The following SPTAN1 variants were observed in gnomAD, a reference collection of about 807,000 sequenced individuals.
The protein encoded by SPTAN1 is spectrin alpha, non-erythrocytic 1.
SPTAN1 carries 61 observed loss-of-function variants against 331.3 expected under a neutral mutation model. That is an observed-to-expected ratio of 0.18 (90% confidence interval 0.15 to 0.23). The LOEUF (loss-of-function observed/expected upper bound fraction) is 0.23. Among genes scored for constraint, SPTAN1 ranks in the 10% least tolerant of loss-of-function variants. SPTAN1 has a pLI of 1.00. For synonymous variants in SPTAN1, 1,153 were observed against 1,173.9 expected (o/e 0.98, Z 0.36); for missense variants, 2,043 against 3,147.9 (o/e 0.65, Z 8.40).
At position 128,608,008 on chromosome 9, in the gene SPTAN1, G is replaced by A. The variant is rs761046056; in HGVS notation, c.4303G>A (p.Val1435Ile). The A allele has an allele frequency of 6.2e-7, 1 of 1,614,168 alleles. No homozygotes were observed. The highest frequency in any genetic ancestry group is 2.2e-5 in the East Asian group (1 of 44,888). ...GCGTGCAGACCTGGAGAAGGCCTGG[G>A]TTCAGCGCAGGATGATGCTGGATCA... ...QERADLEKAW[V>I]QRRMMLDQCL... Residue 1435 changes from valine to isoleucine, a missense_variant, in exon 33 of 57, where the codon GTT (valine) becomes ATT (isoleucine). Transcript: ENST00000372739.
chr9:128,591,343 G>A, intron 21 of SPTAN1, 134 bp from the exon 22 acceptor site: 1 of 1,099,142 alleles, frequency 9.1e-7, no homozygotes, highest in Non-Finnish European at 1.4e-6. Context: ...TGGGATTATA[G>A]GTGTGAGCCA....
intron 48 of SPTAN1, 66 bp from the exon 49 acceptor site, chr9:128,626,325 C>T: frequency 1.9e-6 from 3 of 1,590,498 alleles, no homozygotes; most frequent in Admixed American, 3.3e-5. Context: ...CCGCACCCCA[C>T]CTCCTGCACT....
chr9:128,608,465 G>GA (rs955144305), intron 34 of SPTAN1, among the ~76,000 whole-genome samples, 189 bp downstream of exon 34: 29 of 150,950 alleles, frequency 1.9e-4, no homozygotes, highest in Non-Finnish European at 3.4e-4. Flanking sequence ...GGTGCCACAG[G>GA]AAAAAAAAAT....
intron 3 of SPTAN1, among the ~76,000 whole-genome samples, chr9:128,570,670 T>G (rs1294044064): frequency 2.0e-5 from 3 of 150,836 alleles, no homozygotes. Flanking sequence ...ATTTATTTAT[T>G]TTTGAGATGG....
chr9:128,562,888 C>G (rs1345124306), intron 1 of SPTAN1, among the ~76,000 whole-genome samples: 1 of 150,020 alleles, frequency 6.7e-6, no homozygotes, highest in African/African-American at 2.5e-5. Flanking sequence ...TGGCGTGAAC[C>G]CAGGAGGTGG....
chr9:128,567,013 A>G, intron 2 of SPTAN1, 36 bp downstream of exon 2: 1 of 1,612,986 alleles, frequency 6.2e-7, no homozygotes, highest in Non-Finnish European at 8.5e-7. Context: ...GCCAAAATTC[A>G]AGAGCCCAAA....
At chr9:128,603,446 G>C in intron 27 of SPTAN1, 97 bp from the exon 28 acceptor site, 3 of 1,301,958 alleles carry the variant, frequency 2.3e-6, no homozygotes, top group Admixed American at 1.7e-5. Context: ...AGGTAATTTG[G>C]GTTAATCACA....
intron 3 of SPTAN1, among the ~76,000 whole-genome samples, chr9:128,572,183 G>T (rs1589167320): frequency 6.6e-6 from 1 of 152,118 alleles, no homozygotes; most frequent in African/African-American, 2.4e-5. Flanking sequence ...TTTCCAACCT[G>T]TACTTCATTC....
intron 52 of SPTAN1, 77 bp downstream of exon 52, chr9:128,630,452 C>A: frequency 6.7e-7 from 1 of 1,489,146 alleles, no homozygotes. Flanking sequence ...CCCTTCCTGG[C>A]TTAAAGTCAG....
At chr9:128,632,030 AG>A in intron 52 of SPTAN1, 96 bp from the exon 53 acceptor site, 1 of 1,328,638 alleles carries the variant, frequency 7.5e-7, no homozygotes, top group South Asian at 1.3e-5. Flanking sequence ...GTCTCAGGCC[AG>A]GCCTGGAGCA....
At chr9:128,616,722 G>A (rs1416279652) in intron 41 of SPTAN1, among the ~76,000 whole-genome samples, 1 of 150,994 alleles carries the variant, frequency 6.6e-6, no homozygotes, top group Non-Finnish European at 1.5e-5. Context: ...AGCCAAGATC[G>A]CACCACTGTA....
chr9:128,568,981 C>G, intron 3 of SPTAN1, 84 bp downstream of exon 3: 1 of 1,580,860 alleles, frequency 6.3e-7, no homozygotes, highest in Non-Finnish European at 8.7e-7. Context: ...TTTGGGTTCC[C>G]AAAAAGATAG....
At chr9:128,622,153 C>G (rs1857952586) in intron 45 of SPTAN1, 2 of 152,252 alleles carry the variant, frequency 1.3e-5, no homozygotes, top group South Asian at 4.1e-4. Flanking sequence ...AAACTAATTT[C>G]AGCTACAGCC....
intron 48 of SPTAN1, 28 bp downstream of exon 48, chr9:128,626,006 C>G (rs376436027): frequency 1.9e-6 from 3 of 1,611,982 alleles, no homozygotes; most frequent in Non-Finnish European, 2.5e-6. Context: ...TGAAGCTTAG[C>G]TGGCCCACAG....
At chr9:128,572,706 C>T (rs1294269990) in intron 3 of SPTAN1, among the ~76,000 whole-genome samples, 1 of 152,156 alleles carries the variant, frequency 6.6e-6, no homozygotes, top group Non-Finnish European at 1.5e-5. Context: ...AGGTGGGTGG[C>T]ATGTGAGGGC....
intron 16 of SPTAN1, 58 bp from the exon 17 acceptor site, chr9:128,584,224 C>G: frequency 8.7e-6 from 14 of 1,612,444 alleles, no homozygotes; most frequent in Middle Eastern, 1.6e-4. Flanking sequence ...CAATTTTTCT[C>G]TGTATACGAT....
chr9:128,615,807 T>A lies in SPTAN1; in HGVS notation c.5324T>A (p.Phe1775Tyr). The change falls in exon 41 of 57, where the codon TTC becomes TAC. Residue 1775 changes from phenylalanine to tyrosine, a missense_variant. Transcript: ENST00000372739. The stretch of plus-strand genomic sequence containing the variant: ...GAATCCCATCGCCTGCACCAGTTCT[T>A]CCGGGACATGGATGACGAGGAGTCC... ...LNESHRLHQF[F>Y]RDMDDEESWI... The A allele has an allele frequency of 6.2e-7, 1 of 1,614,226 alleles. No homozygotes were observed. The highest frequency in any genetic ancestry group is 8.5e-7 in the Non-Finnish European group (1 of 1,180,044).
chr9:128,561,669 A>AAAAAAAAAAAAAAAAAAAAAC (rs1849378181), intron 1 of SPTAN1, among the ~76,000 whole-genome samples: 1 of 138,646 alleles, frequency 7.2e-6, no homozygotes, highest in Non-Finnish European at 1.6e-5. Context: ...TCTCAAAAAA[A>AAAAAAAAAAAAAAAAAAAAAC]AAAAAAAAAA....
chr9:128,574,556 T>C, intron 3 of SPTAN1, 119 bp from the exon 4 acceptor site: 2 of 1,199,450 alleles, frequency 1.7e-6, no homozygotes, highest in Non-Finnish European at 2.4e-6. Context: ...GGGATTATCT[T>C]TTAAAAATAT....
Sources: gnomAD v4.1 joint callset for allele counts (sites outside exome capture counted in the v4.1 genomes callset) on GRCh38, gnomAD v4.1.1 for gene constraint, MANE v1.5 for transcripts, NCBI Gene and HGNC (gene_info 2026-07-23, HGNC 2026-07-21) for gene names.